Variants in JAM3 observed in about 807,000 individuals in gnomAD.
JAM3 encodes the protein junctional adhesion molecule 3, also known as junctional adhesion molecule C.
JAM3 carries 31 observed loss-of-function variants against 39.4 expected under a neutral mutation model. The observed-to-expected ratio is 0.79, with a 90% CI of 0.59 to 1.06. The LOEUF is 1.06. Ranked by LOEUF, JAM3 falls within the 50% of genes least tolerant of loss-of-function variation. The pLI, the probability that JAM3 is intolerant of heterozygous loss-of-function variation, is 0.00. For missense variants in JAM3, 455 were observed against 391.4 expected (o/e 1.16, Z -1.37); for synonymous variants, 182 against 148.7 (o/e 1.22, Z -1.63).
chr11:134,135,541 T>C (rs1024614021), intron 1 of JAM3, among the ~76,000 whole-genome samples: 3 of 151,900 alleles, frequency 2.0e-5, no homozygotes, highest in African/African-American at 7.3e-5. Flanking sequence ...ATCCTTTTTT[T>C]TTTTTCTTTT....
rs1943224348 is a variant in JAM3, at chr11:134,151,259, C to T, written c.*2078C>T. 1 of 152,226 alleles carries T rather than the reference C, an allele frequency of 6.6e-6. No individual in the cohort carries two copies. The highest frequency in any genetic ancestry group is 6.5e-5 in the Admixed American group (1 of 15,278). 9.4% of individuals were successfully genotyped at this position (152,226 alleles called of 1,614,324 possible). A position where few individuals can be genotyped will look rare whatever the true frequency, so the allele number is the denominator to read the frequency against. ...TTATGTGAAACACTTTGCCGCAGGCCGCCTGGCAGAGGCAGGAAATGCTCC... is the reference window on the plus strand; with the variant it reads ...TTATGTGAAACACTTTGCCGCAGGCTGCCTGGCAGAGGCAGGAAATGCTCC... On this transcript the variant is annotated 3_prime_UTR_variant, in exon 9 of 9. Transcript: ENST00000299106.
At chr11:134,099,087 T>C (rs1293761200) in intron 1 of JAM3, among the ~76,000 whole-genome samples, 1 of 152,034 alleles carries the variant, frequency 6.6e-6, no homozygotes, top group African/African-American at 2.4e-5. Flanking sequence ...GTAGTCCTTG[T>C]ATGCTTGGGA....
Position 134,102,566 on chromosome 11 carries a change from G to A in JAM3, c.76+33407G>A, listed in dbSNP as rs565577269. ...AGGCTTCAGAGAATCAGACTTCTCCGAGCTAAAGGAGGAAGTTCGAACCCA... is the reference window on the plus strand; with the variant it reads ...AGGCTTCAGAGAATCAGACTTCTCCAAGCTAAAGGAGGAAGTTCGAACCCA... On this transcript the variant is annotated intron_variant, in intron 1 of 8. Coordinates refer to ENST00000299106, the MANE Select transcript of JAM3 (RefSeq NM_032801.5). Among the ~76,000 whole-genome samples, 24 of 152,254 alleles carry A rather than the reference G, an allele frequency of 1.6e-4. No individual in the cohort carries two copies. In the East Asian group the frequency reaches 3.7e-3, roughly 23 times the overall value.
chr11:134,136,418 G>A (rs900175019), intron 1 of JAM3, among the ~76,000 whole-genome samples: 1 of 152,146 alleles, frequency 6.6e-6, no homozygotes, highest in South Asian at 2.1e-4. Flanking sequence ...TTAGATTTGT[G>A]CCTTCCAATC....
chr11:134,145,259 G>A lies in JAM3; in HGVS notation c.612+265G>A, dbSNP rs11605753. On this transcript the variant is annotated intron_variant, in intron 5 of 8. Coordinates refer to ENST00000299106, the MANE Select transcript of JAM3 (RefSeq NM_032801.5). ...AGCAAATGTTACTAGGGCCCTGATC[G>A]GATAATCAACTGTAAAAGTCATTAG... 46,071 of 537,268 alleles carry A rather than the reference G, an allele frequency of 0.086. 2,282 individuals carry two copies. The highest frequency in any genetic ancestry group is 0.11 in the Admixed American group (3,563 of 31,886). The allele number at this position is 537,268 out of a possible 1,614,324, so 33.3% of individuals were successfully genotyped here.
intron 1 of JAM3, chr11:134,123,845 G>A (rs546741879): frequency 1.8e-5 from 14 of 799,916 alleles, no homozygotes; most frequent in Admixed American, 3.4e-5. Flanking sequence ...AGCAGTGCCC[G>A]TTGGTATCTC....
At chr11:134,092,564 A>C (rs61909681) in intron 1 of JAM3, among the ~76,000 whole-genome samples, 1 of 149,322 alleles carries the variant, frequency 6.7e-6, no homozygotes, top group Non-Finnish European at 1.5e-5. Context: ...ATCATTTTCC[A>C]TCTTACATGT....
chr11:134,124,219 ACTTCT>A (rs1942594434), intron 1 of JAM3: 1 of 1,374,076 alleles, frequency 7.3e-7, no homozygotes, highest in Non-Finnish European at 1.0e-6. Context: ...ATCACTCCAT[ACTTCT>A]TAAGTTCCTC....
chr11:134,147,967 T>C (rs1943109509), intron 6 of JAM3: 1 of 157,530 alleles, frequency 6.3e-6, no homozygotes, highest in Admixed American at 6.0e-5. Context: ...CCAGTGCCTT[T>C]GCCCAGTGTA....
chr11:134,089,035 G>T (rs933063245), intron 1 of JAM3, among the ~76,000 whole-genome samples: 2 of 152,164 alleles, frequency 1.3e-5, no homozygotes, highest in Non-Finnish European at 2.9e-5. Context: ...ATTGTAAGTT[G>T]GATATGATCT....
chr11:134,131,816 G>T (rs1045898500), intron 1 of JAM3, among the ~76,000 whole-genome samples: 1 of 152,140 alleles, frequency 6.6e-6, no homozygotes, highest in African/African-American at 2.4e-5. Flanking sequence ...ATTTACTAGA[G>T]GGTTTCAACA....
intron 1 of JAM3, among the ~76,000 whole-genome samples, chr11:134,126,644 C>T (rs536010938): frequency 6.6e-6 from 1 of 152,314 alleles, no homozygotes; most frequent in South Asian, 2.1e-4. Flanking sequence ...TTGCTGAGGA[C>T]TGTGAGTTGG....
intron 1 of JAM3, among the ~76,000 whole-genome samples, chr11:134,132,298 A>G (rs572855177): frequency 1.3e-5 from 2 of 152,358 alleles, no homozygotes; most frequent in East Asian, 1.9e-4. Flanking sequence ...CAAGAAAACA[A>G]TTGTAAAACA....
rs774842662 is a variant in JAM3, at chr11:134,144,920, C to T, written c.538C>T (p.Leu180=). The part of the protein sequence containing the change: ...HYSWYRNDVP[L]PTDSRANPRF... ...CAGCTGGTATCGCAATGATGTACCA[C>T]TGCCCACGGATTCCAGAGCCAATCC... is the stretch of plus-strand genomic sequence containing the variant. The change falls in exon 5 of 9, where the codon CTG becomes TTG. Residue 180 remains leucine, a synonymous_variant. Transcript: ENST00000299106. The T allele has an allele frequency of 6.2e-7, 1 of 1,614,148 alleles. No homozygotes were observed. Among genetic ancestry groups the T allele is most frequent in the South Asian group, 1.1e-5 (1 of 91,080 alleles).
At chr11:134,111,307 A>G (rs1193055811) in intron 1 of JAM3, among the ~76,000 whole-genome samples, 1 of 151,440 alleles carries the variant, frequency 6.6e-6, no homozygotes, top group Non-Finnish European at 1.5e-5. Flanking sequence ...ACGCCCTGCT[A>G]ATTTTTTTTG....
chr11:134,126,659 G>T (rs1041394920), intron 1 of JAM3, among the ~76,000 whole-genome samples: 2 of 152,204 alleles, frequency 1.3e-5, no homozygotes, highest in African/African-American at 4.8e-5. Flanking sequence ...AGTTGGAGAT[G>T]ATTCAGGAAG....
chr11:134,127,576 T>G (rs1334542874), intron 1 of JAM3, among the ~76,000 whole-genome samples: 1 of 152,178 alleles, frequency 6.6e-6, no homozygotes, highest in Non-Finnish European at 1.5e-5. Context: ...GGCACATGTC[T>G]GTAGTCCCAG....
intron 1 of JAM3, among the ~76,000 whole-genome samples, chr11:134,090,088 T>C (rs533874411): frequency 2.0e-5 from 3 of 152,394 alleles, no homozygotes; most frequent in African/African-American, 7.2e-5. Flanking sequence ...CATGTGTCTT[T>C]TGGCTGCATA....
intron 1 of JAM3, among the ~76,000 whole-genome samples, chr11:134,084,002 A>T (rs1219978673): frequency 1.3e-5 from 2 of 152,222 alleles, no homozygotes; most frequent in Non-Finnish European, 2.9e-5. Flanking sequence ...AAGAAAGCTT[A>T]TGGCTACATA....
Sources: gnomAD v4.1 joint callset for allele counts (sites outside exome capture counted in the v4.1 genomes callset) on GRCh38, gnomAD v4.1.1 for gene constraint, MANE v1.5 for transcripts, NCBI Gene and HGNC (gene_info 2026-07-23, HGNC 2026-07-21) for gene names.